Variants in CYP2W1 observed in about 807,000 individuals in gnomAD.
CYP2W1 encodes the protein cytochrome P450 family 2 subfamily W member 1, also known as cytochrome P450 2W1.
CYP2W1 carries 51 observed loss-of-function variants against 44.9 expected under a neutral mutation model. The observed-to-expected ratio is 1.14, with a 90% CI of 0.91 to 1.43. The LOEUF is 1.43. Among genes scored for constraint, CYP2W1 ranks in the 40% most tolerant of loss-of-function variants. CYP2W1 has a pLI of 0.00. For synonymous variants in CYP2W1, 383 were observed against 338.3 expected (o/e 1.13, Z -1.45); for missense variants, 746 against 700.0 (o/e 1.07, Z -0.74).
Position 987,544 on chromosome 7 carries a change from C to T in CYP2W1, c.1143+13C>T. Reference sequence around the variant, plus strand: ...CCTGCTCCCCAAGGTGGGGCTGGGCCTCCCTTGCCCCTTCCATCTCCTCTG... The same window carrying T: ...CCTGCTCCCCAAGGTGGGGCTGGGCTTCCCTTGCCCCTTCCATCTCCTCTG... On this transcript the variant is annotated intron_variant, in intron 7 of 8. Coordinates refer to ENST00000308919, the MANE Select transcript of CYP2W1 (RefSeq NM_017781.3). 1 of 1,505,026 alleles carries T rather than the reference C, an allele frequency of 6.6e-7. No individual in the cohort carries two copies. The highest frequency in any genetic ancestry group is 8.9e-7 in the Non-Finnish European group (1 of 1,125,296). 93.2% of individuals were successfully genotyped at this position (1,505,026 alleles called of 1,614,324 possible). A position where few individuals can be genotyped will look rare whatever the true frequency, so the allele number is the denominator to read the frequency against.
In CYP2W1 at chr7:983,243, T is replaced by C; in HGVS notation, c.32T>C (p.Leu11Pro). Residue 11 changes from leucine (L) to proline (P), a missense_variant, in exon 1 of 9, where the codon CTC becomes CCC. Leu to Pro is a moderately conservative substitution (Grantham distance 98, BLOSUM62 -3). Coordinates refer to ENST00000308919, the MANE Select transcript of CYP2W1 (RefSeq NM_017781.3). MALLLLLFLG[L>P]LGLWGLLCAC... ...CTGCTGCTCTTGCTGTTCCTGGGCC[T>C]CCTGGGGCTCTGGGGGCTGCTCTGC... 1 of 1,532,202 alleles carries C rather than the reference T, an allele frequency of 6.5e-7. No individual in the cohort carries two copies. The highest frequency in any genetic ancestry group is 8.8e-7 in the Non-Finnish European group (1 of 1,136,082). 94.9% of individuals were successfully genotyped at this position (1,532,202 alleles called of 1,614,324 possible).
At position 987,171 on chromosome 7, in the gene CYP2W1, T is replaced by C. The variant is rs1224867629; in HGVS notation, c.884T>C (p.Met295Thr). ...NAVACTLDMV[M>T]AGTETTSATL... ...GTGGCCTGCACCCTGGACATGGTCATGGCCGGGACGGAGACGACCTCGGCC... is the reference window on the plus strand; with the variant it reads ...GTGGCCTGCACCCTGGACATGGTCACGGCCGGGACGGAGACGACCTCGGCC... Residue 295 changes from methionine to threonine, a missense_variant, in exon 6 of 9, where the codon ATG becomes ACG. By Grantham distance (81) the Met-to-Thr change is moderately conservative (BLOSUM62 -1). Transcript: ENST00000308919. 11 of 1,569,072 alleles carry C rather than the reference T, an allele frequency of 7.0e-6. No homozygotes were observed. Among genetic ancestry groups the C allele is most frequent in the Admixed American group, 3.6e-5 (2 of 54,818 alleles).
In CYP2W1 at chr7:985,059, G is replaced by A. The variant is rs1372765874; in HGVS notation, c.447G>A (p.Gln149=). 1 of 1,612,570 alleles carries A rather than the reference G, an allele frequency of 6.2e-7. No individual in the cohort carries two copies. Among genetic ancestry groups the A allele is most frequent in the Non-Finnish European group, 8.5e-7 (1 of 1,179,844 alleles). ...GREPVADKIL[Q]ELKCLSGQLD... is the part of the protein sequence containing the mutation. Reference sequence around the variant, plus strand: ...AGCCGGTGGCTGACAAGATTCTGCAGGAGCTGAAATGCCTCTCTGGGCAGC... The same window carrying A: ...AGCCGGTGGCTGACAAGATTCTGCAAGAGCTGAAATGCCTCTCTGGGCAGC... The change falls in exon 3 of 9, where the codon CAG becomes CAA. Residue 149 remains glutamine (Q), a synonymous_variant. Transcript: ENST00000308919.
chr7:983,217 C>T lies in CYP2W1; in HGVS notation c.6C>T (p.Ala2=), dbSNP rs1045401688. 6 of 1,511,858 alleles carry T rather than the reference C, an allele frequency of 4.0e-6. No individual in the cohort carries two copies. In the African/African-American group the frequency reaches 5.6e-5, roughly 14 times the overall value. The allele number at this position is 1,511,858 out of a possible 1,614,324, so 93.7% of individuals were successfully genotyped here. M[A]LLLLLFLGLL... ...GCCTCACCAGCCACGTCCTCATGGC[C>T]CTGCTGCTCTTGCTGTTCCTGGGCC... Residue 2 remains alanine (A), a synonymous_variant, in exon 1 of 9, where the codon GCC becomes GCT. Coordinates refer to ENST00000308919, the MANE Select transcript of CYP2W1 (RefSeq NM_017781.3).
intron 2 of CYP2W1, 143 bp downstream of exon 2, chr7:984,717 G>A (rs1848193598): frequency 6.2e-6 from 8 of 1,281,602 alleles, no homozygotes; most frequent in African/African-American, 1.5e-5. Flanking sequence ...GGCTGGTGCT[G>A]AGAAGGGCCA....
In CYP2W1 at chr7:986,752, G is replaced by A. The variant is rs1170154791; in HGVS notation, c.774G>A (p.Gly258=). ...CGCGGAGGCCCCACGTGTGCCCGGG[G>A]GACCCCGTGTGCAGCTATGTGGACG... is the stretch of plus-strand genomic sequence containing the variant. ...LEARRPHVCP[G]DPVCSYVDAL... is the part of the protein sequence containing the mutation. Residue 258 remains glycine, a synonymous_variant, in exon 5 of 9, where the codon GGG becomes GGA. Coordinates refer to ENST00000308919, the MANE Select transcript of CYP2W1 (RefSeq NM_017781.3). 1 of 1,605,692 alleles carries A rather than the reference G, an allele frequency of 6.2e-7. No individual in the cohort carries two copies. Among genetic ancestry groups the A allele is most frequent in the Non-Finnish European group, 8.5e-7 (1 of 1,176,040 alleles).
intron 6 of CYP2W1, 44 bp downstream of exon 6, chr7:987,289 G>A (rs1848433428): frequency 6.0e-6 from 9 of 1,508,274 alleles, no homozygotes; most frequent in East Asian, 2.5e-5. Flanking sequence ...CTGCCCCCGG[G>A]GGACCCCCAG....
In CYP2W1 at chr7:987,150, C is replaced by G. The variant is rs1178474425; in HGVS notation, c.863C>G (p.Ala288Gly). The G allele has an allele frequency of 3.2e-6, 5 of 1,578,142 alleles. No individual in the cohort carries two copies. The Admixed American group carries it at 8.9e-5, about 28-fold the overall frequency. ...CTGTTTGCTGAGGCCAACGCGGTGG[C>G]CTGCACCCTGGACATGGTCATGGCC... is the stretch of plus-strand genomic sequence containing the variant. Reference protein sequence around the residue: ...EGLFAEANAVACTLDMVMAGT... With the variant: ...EGLFAEANAVGCTLDMVMAGT... The change falls in exon 6 of 9, where the codon GCC becomes GGC. Residue 288 changes from alanine (A) to glycine (G), a missense_variant. Physicochemically the swap from Ala to Gly is moderately conservative, Grantham distance 60. Coordinates refer to ENST00000308919, the MANE Select transcript of CYP2W1 (RefSeq NM_017781.3).
intron 1 of CYP2W1, 61 bp from the exon 2 acceptor site, chr7:984,351 G>A: frequency 6.8e-7 from 1 of 1,466,400 alleles, no homozygotes; most frequent in Non-Finnish European, 8.9e-7. Context: ...CCGGCCTGAG[G>A]GGACCTAAGG....
chr7:986,354 C>G, intron 4 of CYP2W1: 1 of 525,296 alleles, frequency 1.9e-6, no homozygotes, highest in Non-Finnish European at 3.4e-6. Context: ...TCCACTGTGG[C>G]AGCTGCCTCC....
intron 1 of CYP2W1, 70 bp from the exon 2 acceptor site, chr7:984,342 C>T (rs1179175774): frequency 7.4e-6 from 11 of 1,489,648 alleles, no homozygotes; most frequent in Admixed American, 2.2e-5. Flanking sequence ...AGCACAGGCC[C>T]GGCCTGAGGG....
chr7:983,297 C>T lies in CYP2W1; in HGVS notation c.86C>T (p.Ala29Val), dbSNP rs1848061052. Reference protein sequence around the residue: ...CACAQDPSPAARWPPGPRPLP... With the variant: ...CACAQDPSPAVRWPPGPRPLP... ...TGCGCCCAAGACCCCTCCCCAGCTG[C>T]CCGGTGGCCCCCGGGGCCTCGCCCG... Residue 29 changes from alanine (A) to valine (V), a missense_variant, in exon 1 of 9, where the codon GCC becomes GTC. Physicochemically the swap from Ala to Val is moderately conservative, Grantham distance 64 (BLOSUM62 0). Transcript: ENST00000308919. 5.2e-6 allele frequency: 8 copies of T among 1,542,404 alleles called. No homozygotes were observed. The highest frequency in any genetic ancestry group is 1.4e-5 in the African/African-American group (1 of 72,892).
rs139443941 is a variant in CYP2W1, at chr7:986,910, C to G, written c.819+113C>G. The G allele has an allele frequency of 4.9e-4, 653 of 1,339,796 alleles. 5 individuals carry two copies. In the East Asian group the frequency reaches 0.012, roughly 24 times the overall value. The allele number at this position is 1,339,796 out of a possible 1,614,324, so 83.0% of individuals were successfully genotyped here. Reference sequence around the variant, plus strand: ...GGTCCTGCACCAAGCTCCCTACCTCCTGGCTGGGGGCCTCTCAGAGCCTCA... The same window carrying G: ...GGTCCTGCACCAAGCTCCCTACCTCGTGGCTGGGGGCCTCTCAGAGCCTCA... On this transcript the variant is annotated intron_variant, in intron 5 of 8. Coordinates refer to ENST00000308919, the MANE Select transcript of CYP2W1 (RefSeq NM_017781.3).
chr7:988,806 CG>C lies in CYP2W1; in HGVS notation c.1459del (p.Val487CysfsTer74). On this transcript the variant is annotated frameshift_variant, in exon 9 of 9. Transcript: ENST00000308919. LOFTEE classifies it high-confidence loss of function. ...TMRPRAQALCAVPRP is the reference protein window; with the variant it reads ...TMRPRAQALCXVPRP ...AGGCCGAGGGCCCAGGCCCTGTGTG[CG>C]GTGCCCAGGCCCTAGGAGCTCCCCC... 6.3e-7 allele frequency: 1 copy of C among 1,583,222 alleles called. No homozygotes were observed. The highest frequency in any genetic ancestry group is 8.5e-7 in the Non-Finnish European group (1 of 1,170,446).
In CYP2W1 at chr7:985,153, G is replaced by T. The variant is rs376857758; in HGVS notation, c.488-13G>T. The T allele has an allele frequency of 6.3e-7, 1 of 1,593,162 alleles. No homozygotes were observed. On this transcript the variant is annotated splice_polypyrimidine_tract_variant and intron_variant, in intron 3 of 8. Transcript: ENST00000308919. ...CCGGGCCTGGACGTGCCTGAGGCCC[G>T]TCTCCCTCGCAGGCCGGCCCTTCCC...
At position 988,857 on chromosome 7, in the gene CYP2W1, C is replaced by T; in HGVS notation, c.*35C>T. 1 of 1,320,652 alleles carries T rather than the reference C, an allele frequency of 7.6e-7. No individual in the cohort carries two copies. The highest frequency in any genetic ancestry group is 1.0e-6 in the Non-Finnish European group (1 of 969,486). The allele number at this position is 1,320,652 out of a possible 1,614,324, so 81.8% of individuals were successfully genotyped here. A position where few individuals can be genotyped will look rare whatever the true frequency, so the allele number is the denominator to read the frequency against. On this transcript the variant is annotated 3_prime_UTR_variant, in exon 9 of 9. Coordinates refer to ENST00000308919, the MANE Select transcript of CYP2W1 (RefSeq NM_017781.3). ...CAGCCCCCAGGTCCTCCTGACCACT[C>T]CCCTCCCAGCCCTGGGTCCTCCCAC... is the stretch of plus-strand genomic sequence containing the variant.
chr7:987,939 G>GA (rs1848506783), intron 7 of CYP2W1, among the ~76,000 whole-genome samples: 1 of 146,482 alleles, frequency 6.8e-6, no homozygotes, highest in Non-Finnish European at 1.5e-5. Context: ...GTCCTGGGGG[G>GA]GTCCCCTGTG....
chr7:987,526 C>T lies in CYP2W1; in HGVS notation c.1138C>T (p.Pro380Ser). Residue 380 changes from proline to serine, a missense_variant, in exon 7 of 9, where the codon CCC (proline) becomes TCC (serine). Physicochemically the swap from Pro to Ser is moderately conservative, Grantham distance 74. Transcript: ENST00000308919. ...ADTQLGGFLL[P>S]KGTPVIPLLT... The stretch of plus-strand genomic sequence containing the variant: ...CACACAGCTGGGCGGCTTCCTGCTC[C>T]CCAAGGTGGGGCTGGGCCTCCCTTG... 1 of 1,521,716 alleles carries T rather than the reference C, an allele frequency of 6.6e-7. No homozygotes were observed. 94.3% of individuals were successfully genotyped at this position (1,521,716 alleles called of 1,614,324 possible). A position where few individuals can be genotyped will look rare whatever the true frequency, so the allele number is the denominator to read the frequency against.
chr7:988,567 G>C (rs1277460137), intron 8 of CYP2W1, 68 bp from the exon 9 acceptor site: 1 of 1,598,174 alleles, frequency 6.3e-7, no homozygotes, highest in Non-Finnish European at 8.5e-7. Flanking sequence ...CCCCTGGGGA[G>C]GTCCCCACCC....
Sources: gnomAD v4.1 joint callset for allele counts (sites outside exome capture counted in the v4.1 genomes callset) on GRCh38, gnomAD v4.1.1 for gene constraint, MANE v1.5 for transcripts, NCBI Gene and HGNC (gene_info 2026-07-23, HGNC 2026-07-21) for gene names.